Variants in TMEM178B observed in about 807,000 individuals in gnomAD.
TMEM178B encodes transmembrane protein 178B.
A neutral mutation model predicts 31.0 loss-of-function variants in TMEM178B; 5 were observed. The observed-to-expected ratio is 0.16, with a 90% CI of 0.08 to 0.34. The LOEUF (loss-of-function observed/expected upper bound fraction) is 0.34, where lower values mean the gene tolerates loss of function less well. Ranked by LOEUF, TMEM178B falls within the 10% of genes least tolerant of loss-of-function variation. TMEM178B has a pLI of 1.00. For synonymous variants in TMEM178B, 164 were observed against 164.0 expected, an observed-to-expected ratio of 1.00 and a Z score of 0.00; for missense variants, 275 against 400.3, an observed-to-expected ratio of 0.69 and a Z score of 2.67.
chr7:141,197,853 G>A (rs761484485), intron 1 of TMEM178B, among the ~76,000 whole-genome samples: 6 of 152,078 alleles, frequency 3.9e-5, no homozygotes, highest in East Asian at 1.9e-4. Flanking sequence ...AGCTGGTCTC[G>A]AACTCCTGAC....
intron 1 of TMEM178B, among the ~76,000 whole-genome samples, chr7:141,141,372 A>C (rs1404901408): frequency 6.6e-6 from 1 of 151,786 alleles, no homozygotes; most frequent in African/African-American, 2.4e-5. Flanking sequence ...GGAATCAGCC[A>C]TTTTTCCAAG....
intron 2 of TMEM178B, among the ~76,000 whole-genome samples, chr7:141,322,871 AT>A (rs141608751): frequency 6.6e-6 from 1 of 152,158 alleles, no homozygotes; most frequent in African/African-American, 2.4e-5. Flanking sequence ...CCCCTGCCCC[AT>A]TGTATTTTGA....
rs1431292939 is a variant in TMEM178B, at chr7:141,475,979, A to C, written c.*5193A>C. The C allele has an allele frequency of 6.6e-6, 1 of 152,228 alleles. No individual in the cohort carries two copies. The highest frequency in any genetic ancestry group is 1.5e-5 in the Non-Finnish European group (1 of 68,038). The allele number at this position is 152,228 out of a possible 1,614,324, so 9.4% of individuals were successfully genotyped here. ...CTTGAACTTCCTCATCTACAAAATG[A>C]GGATAAGTGATAACACCTTACCTCA... On this transcript the variant is annotated 3_prime_UTR_variant, in exon 4 of 4. Coordinates refer to ENST00000565468, the MANE Select transcript of TMEM178B (RefSeq NM_001195278.2).
chr7:141,464,161 G>A (rs1261559471), intron 3 of TMEM178B, among the ~76,000 whole-genome samples: 1 of 152,134 alleles, frequency 6.6e-6, no homozygotes, highest in Non-Finnish European at 1.5e-5. Context: ...AGGACAATGG[G>A]GCACTGAGAT....
chr7:141,183,883 G>GCGGC (rs1336861648), intron 1 of TMEM178B, among the ~76,000 whole-genome samples: 1 of 152,222 alleles, frequency 6.6e-6, no homozygotes, highest in African/African-American at 2.4e-5. Context: ...GCCCCGGCAT[G>GCGGC]CGGCCTCCTT....
intron 1 of TMEM178B, among the ~76,000 whole-genome samples, chr7:141,204,696 A>G (rs893965453): frequency 2.0e-5 from 3 of 152,194 alleles, no homozygotes; most frequent in African/African-American, 7.2e-5. Flanking sequence ...TGGAGCCATT[A>G]CTCAATTTAC....
intron 2 of TMEM178B, among the ~76,000 whole-genome samples, chr7:141,229,582 A>G (rs1248927139): frequency 1.3e-5 from 2 of 152,178 alleles, no homozygotes; most frequent in Non-Finnish European, 2.9e-5. Context: ...TCAACAGAAT[A>G]GTATAAAAGA....
intron 2 of TMEM178B, among the ~76,000 whole-genome samples, chr7:141,231,960 G>C (rs1456354152): frequency 2.0e-5 from 3 of 151,904 alleles, no homozygotes. Context: ...CCCTCCCCTT[G>C]CCACCCCCAA....
At chr7:141,347,208 C>T (rs913206591) in intron 2 of TMEM178B, among the ~76,000 whole-genome samples, 2 of 152,040 alleles carry the variant, frequency 1.3e-5, no homozygotes, top group Admixed American at 6.6e-5. Context: ...AGTGCGAGAA[C>T]GAGAACAGCC....
chr7:141,079,022 C>T (rs1453188535), intron 1 of TMEM178B, among the ~76,000 whole-genome samples: 1 of 152,220 alleles, frequency 6.6e-6, no homozygotes, highest in Non-Finnish European at 1.5e-5. Context: ...CACAGTGGTT[C>T]ACGCCTGTAA....
At chr7:141,101,235 CT>C (rs1328022953) in intron 1 of TMEM178B, among the ~76,000 whole-genome samples, 2 of 152,188 alleles carry the variant, frequency 1.3e-5, no homozygotes, top group African/African-American at 4.8e-5. Flanking sequence ...AGAAGTTACT[CT>C]AAATCTGTTG....
chr7:141,363,165 G>A (rs1399060111), intron 2 of TMEM178B, among the ~76,000 whole-genome samples: 1 of 152,172 alleles, frequency 6.6e-6, no homozygotes, highest in African/African-American at 2.4e-5. Flanking sequence ...AAGAGCGAGC[G>A]AGTGTTAATG....
chr7:141,143,243 G>C (rs1193624880), intron 1 of TMEM178B, among the ~76,000 whole-genome samples: 1 of 152,126 alleles, frequency 6.6e-6, no homozygotes, highest in Non-Finnish European at 1.5e-5. Flanking sequence ...GTGAATATTT[G>C]TTTTTGTAGC....
At chr7:141,152,134 G>A (rs1795985194) in intron 1 of TMEM178B, among the ~76,000 whole-genome samples, 2 of 152,156 alleles carry the variant, frequency 1.3e-5, no homozygotes, top group Admixed American at 6.5e-5. Flanking sequence ...GAGCACATGT[G>A]GATAAAAAAC....
intron 1 of TMEM178B, among the ~76,000 whole-genome samples, chr7:141,174,863 C>T (rs1009321311): frequency 5.3e-5 from 8 of 152,118 alleles, no homozygotes; most frequent in Admixed American, 4.6e-4. Flanking sequence ...GGATATTAGC[C>T]GTTTGTCAGA....
At chr7:141,268,865 A>G (rs566082113) in intron 2 of TMEM178B, among the ~76,000 whole-genome samples, 1 of 152,312 alleles carries the variant, frequency 6.6e-6, no homozygotes, top group East Asian at 1.9e-4. Context: ...TGGTGGGCCA[A>G]AGAGCAATAA....
At chr7:141,245,029 C>A (rs556921423) in intron 2 of TMEM178B, among the ~76,000 whole-genome samples, 1 of 150,664 alleles carries the variant, frequency 6.6e-6, no homozygotes. Context: ...CCCAGCTACT[C>A]GGGAGGGTGA....
At chr7:141,244,318 A>G (rs911730519) in intron 2 of TMEM178B, among the ~76,000 whole-genome samples, 1 of 152,236 alleles carries the variant, frequency 6.6e-6, no homozygotes, top group Non-Finnish European at 1.5e-5. Flanking sequence ...AAATGATACT[A>G]TGGCAAATAA....
chr7:141,451,734 G>A (rs552000306), intron 3 of TMEM178B, among the ~76,000 whole-genome samples: 54 of 152,256 alleles, frequency 3.5e-4, no homozygotes, highest in Non-Finnish European at 4.0e-4. Flanking sequence ...TCTTTAGCTG[G>A]ATATATGAAC....
Sources: allele counts gnomAD v4.1 joint callset (sites outside exome capture counted in the v4.1 genomes callset), GRCh38; gene constraint gnomAD v4.1.1; transcripts MANE v1.5; gene names NCBI Gene and HGNC (gene_info 2026-07-23, HGNC 2026-07-21).